CUEDC1: variants seen among roughly 807,000 people sequenced by gnomAD.
CUEDC1 encodes CUE domain-containing protein 1.
CUEDC1 carries 30 observed loss-of-function variants against 43.7 expected under a neutral mutation model. The ratio of observed to expected loss-of-function variants is 0.69; its 90% confidence interval spans 0.51 to 0.93. The LOEUF is 0.93. Ranked by LOEUF, CUEDC1 falls within the 40% of genes least tolerant of loss-of-function variation. CUEDC1 has a pLI of 0.00. For missense variants in CUEDC1, 486 were observed against 549.0 expected, an observed-to-expected ratio of 0.89 and a Z score of 1.15; for synonymous variants, 223 against 223.6, an observed-to-expected ratio of 1.00 and a Z score of 0.02.
rs181709946 is a variant in CUEDC1 at position 57,879,542 on chromosome 17, T to C, written c.464+69A>G. The C allele has an allele frequency of 9.0e-4, 1,346 of 1,493,210 alleles. 13 individuals carry two copies. In the African/African-American group the frequency reaches 0.018, roughly 20 times the overall value. 92.5% of individuals were successfully genotyped at this position (1,493,210 alleles called of 1,614,324 possible). A position where few individuals can be genotyped will look rare whatever the true frequency, so the allele number is the denominator to read the frequency against. ...GCAGTCCAGCCAAGTTTCGTGTTGT[T>C]TGTACACAGCCCCAGCCACTGATCC... On this transcript the variant is annotated intron_variant, in intron 3 of 10. Coordinates refer to ENST00000577830, the MANE Select transcript of CUEDC1 (RefSeq NM_001271875.2).
intron 1 of CUEDC1, among the ~76,000 whole-genome samples, chr17:57,940,197 C>A (rs1457024281): frequency 6.6e-6 from 1 of 151,850 alleles, no homozygotes; most frequent in East Asian, 1.9e-4. Flanking sequence ...AGTGCCATCC[C>A]ATGCCTCCTT....
chr17:57,891,319 C>T (rs945456625), intron 1 of CUEDC1, among the ~76,000 whole-genome samples: 1 of 152,258 alleles, frequency 6.6e-6, no homozygotes, highest in African/African-American at 2.4e-5. Flanking sequence ...CAGCCAAAAC[C>T]TTTGGAGTCA....
At chr17:57,888,657 C>G (rs2074323897) in intron 1 of CUEDC1, among the ~76,000 whole-genome samples, 1 of 152,254 alleles carries the variant, frequency 6.6e-6, no homozygotes, top group South Asian at 2.1e-4. Context: ...GGGCTCCACC[C>G]TGACAGCTGC....
intron 1 of CUEDC1, among the ~76,000 whole-genome samples, chr17:57,927,231 C>T (rs867126662): frequency 1.3e-5 from 2 of 151,954 alleles, no homozygotes; most frequent in Non-Finnish European, 2.9e-5. Flanking sequence ...CAGGGGCAGG[C>T]GGGCCTGGGC....
At chr17:57,899,406 G>A (rs868800517) in intron 1 of CUEDC1, among the ~76,000 whole-genome samples, 47 of 152,188 alleles carry the variant, frequency 3.1e-4, no homozygotes, top group African/African-American at 1.0e-3. Flanking sequence ...GTGCCCACAC[G>A]TATACTCTGG....
chr17:57,922,218 A>C (rs2074704812), intron 1 of CUEDC1, among the ~76,000 whole-genome samples: 1 of 152,224 alleles, frequency 6.6e-6, no homozygotes, highest in South Asian at 2.1e-4. Flanking sequence ...TGACTTGCTC[A>C]AACTCATATA....
chr17:57,906,973 C>CAA (rs71143215), intron 1 of CUEDC1, among the ~76,000 whole-genome samples: 11,553 of 80,672 alleles, frequency 0.14, 660 homozygotes, highest in Non-Finnish European at 0.18. Context: ...CTCTGCCTCA[C>CAA]AAAAAAAAAA....
intron 1 of CUEDC1, among the ~76,000 whole-genome samples, chr17:57,947,471 T>A (rs2074969633): frequency 6.6e-6 from 1 of 152,242 alleles, no homozygotes; most frequent in Non-Finnish European, 1.5e-5. Context: ...TTATACTACA[T>A]GTTTTTCGTA....
At chr17:57,897,271 C>T (rs1274780379) in intron 1 of CUEDC1, among the ~76,000 whole-genome samples, 2 of 152,150 alleles carry the variant, frequency 1.3e-5, no homozygotes, top group Non-Finnish European at 2.9e-5. Flanking sequence ...GATTAAATAA[C>T]TTACACAGGG....
At position 57,871,313 on chromosome 17, in the gene CUEDC1, C is replaced by T. The variant is rs545199000; in HGVS notation, c.841G>A (p.Asp281Asn). Residue 281 changes from aspartate to asparagine, a missense_variant, in exon 6 of 11, where the codon GAC becomes AAC. Coordinates refer to ENST00000577830, the MANE Select transcript of CUEDC1 (RefSeq NM_001271875.2). Reference sequence around the variant, plus strand: ...GGGACAGGAGAGGAAAAGCCAAAGTCGTTTCCGACAGCCACGCTGCTGGAT... The same window carrying T: ...GGGACAGGAGAGGAAAAGCCAAAGTTGTTTCCGACAGCCACGCTGCTGGAT... ...SKSSSVAVGN[D>N]FGFSSPVPGT... 23 of 1,614,054 alleles carry T rather than the reference C, an allele frequency of 1.4e-5. No individual in the cohort carries two copies. The East Asian group carries it at 3.1e-4, about 22-fold the overall frequency.
chr17:57,937,107 C>T (rs1387712914), intron 1 of CUEDC1, among the ~76,000 whole-genome samples: 1 of 152,098 alleles, frequency 6.6e-6, no homozygotes, highest in African/African-American at 2.4e-5. Context: ...GTGTGAGCCA[C>T]CGCACCCAGC....
At chr17:57,932,136 G>C (rs2074810013) in intron 1 of CUEDC1, among the ~76,000 whole-genome samples, 1 of 151,480 alleles carries the variant, frequency 6.6e-6, no homozygotes, top group South Asian at 2.1e-4. Flanking sequence ...ACACAAAATA[G>C]CTGGGTGTCG....
chr17:57,915,921 C>A (rs573607815), intron 1 of CUEDC1, among the ~76,000 whole-genome samples: 1 of 152,306 alleles, frequency 6.6e-6, no homozygotes, highest in East Asian at 1.9e-4. Context: ...GCAACTCACC[C>A]GTTTGAATCA....
chr17:57,948,789 T>TAA (rs2074979831), intron 1 of CUEDC1, among the ~76,000 whole-genome samples: 1 of 152,178 alleles, frequency 6.6e-6, no homozygotes, highest in Non-Finnish European at 1.5e-5. Context: ...CTTACTTGAA[T>TAA]CCTCCCTCTG....
At chr17:57,907,577 G>A (rs2074541727) in intron 1 of CUEDC1, among the ~76,000 whole-genome samples, 1 of 152,132 alleles carries the variant, frequency 6.6e-6, no homozygotes, top group Non-Finnish European at 1.5e-5. Context: ...CAGGCGCAGT[G>A]GCTCATGCCT....
At chr17:57,893,223 T>C (rs1263793562) in intron 1 of CUEDC1, among the ~76,000 whole-genome samples, 1 of 152,072 alleles carries the variant, frequency 6.6e-6, no homozygotes, top group Non-Finnish European at 1.5e-5. Context: ...TCTCGGCCAA[T>C]TGTCACCTCA....
chr17:57,953,011 C>T (rs1188752238), intron 1 of CUEDC1, among the ~76,000 whole-genome samples: 1 of 152,126 alleles, frequency 6.6e-6, no homozygotes, highest in East Asian at 1.9e-4. Context: ...AGCCCTCTGG[C>T]CCCCACTTGC....
chr17:57,953,346 C>G (rs2075025764), intron 1 of CUEDC1, among the ~76,000 whole-genome samples: 1 of 152,216 alleles, frequency 6.6e-6, no homozygotes, highest in Admixed American at 6.5e-5. Context: ...TCATCTGCCC[C>G]CATCCTCTAG....
rs981266731 is a variant in CUEDC1 at position 57,954,273 on chromosome 17, C to G, written c.-316+952G>C. Among the ~76,000 whole-genome samples the G allele has an allele frequency of 6.6e-6, 1 of 152,058 alleles. No individual in the cohort carries two copies. Among genetic ancestry groups the G allele is most frequent in the Non-Finnish European group, 1.5e-5 (1 of 68,000 alleles). On this transcript the variant is annotated intron_variant, in intron 1 of 10. Coordinates refer to ENST00000577830, the MANE Select transcript of CUEDC1 (RefSeq NM_001271875.2). The surrounding 1 kb of genome is among the most constrained non-coding windows in gnomAD (Gnocchi z 4.3). ...AGCACGGTGGATGGTCTTCTTGTATCCTCTATCGCCTCCAGGGCATCTTGT... is the reference window on the plus strand; with the variant it reads ...AGCACGGTGGATGGTCTTCTTGTATGCTCTATCGCCTCCAGGGCATCTTGT...
Sources: allele counts gnomAD v4.1 joint callset (sites outside exome capture counted in the v4.1 genomes callset), GRCh38; gene constraint gnomAD v4.1.1; non-coding constraint Gnocchi (gnomAD v3.1); transcripts MANE v1.5; gene names NCBI Gene and HGNC (gene_info 2026-07-23, HGNC 2026-07-21).